Variants in STK33 observed in about 807,000 individuals in gnomAD.
The protein encoded by STK33 is serine/threonine-protein kinase 33.
Under a neutral mutation model 58.0 loss-of-function variants are expected in STK33, and 52 were observed. The ratio of observed to expected loss-of-function variants is 0.90; its 90% CI spans 0.72 to 1.13. STK33 has a LOEUF of 1.13. Among genes scored for constraint, STK33 ranks in the 50% most tolerant of loss-of-function variants. STK33 has a pLI of 0.00. For synonymous variants in STK33, 215 were observed against 200.1 expected (o/e 1.07, Z -0.63); for missense variants, 630 against 604.2 (o/e 1.04, Z -0.45).
At chr11:8,516,502 C>A (rs1192022961) in intron 1 of STK33, among the ~76,000 whole-genome samples, 1 of 152,190 alleles carries the variant, frequency 6.6e-6, no homozygotes, top group Non-Finnish European at 1.5e-5. Flanking sequence ...GCTTGTCAGA[C>A]AGAGGGTGCA....
the STK33 span, among the ~76,000 whole-genome samples, chr11:8,356,311 C>T: frequency 6.6e-6 from 1 of 152,128 alleles, no homozygotes; most frequent in Admixed American, 6.5e-5. Context: ...CCACAGCAGT[C>T]CTGTGAGACC....
At chr11:8,435,040 C>A (rs1943895135) in intron 14 of STK33, among the ~76,000 whole-genome samples, 1 of 152,130 alleles carries the variant, frequency 6.6e-6, no homozygotes, top group Non-Finnish European at 1.5e-5. Flanking sequence ...TGGCAGAAAA[C>A]AATATGTAAA....
chr11:8,446,501 T>C (rs1314445835), intron 11 of STK33, among the ~76,000 whole-genome samples: 1 of 151,952 alleles, frequency 6.6e-6, no homozygotes, highest in Non-Finnish European at 1.5e-5. Context: ...CACTTTCTCC[T>C]ATAGCCAAGA....
intron 1 of STK33, among the ~76,000 whole-genome samples, chr11:8,515,935 A>G (rs1360918020): frequency 2.0e-5 from 3 of 152,234 alleles, no homozygotes; most frequent in Non-Finnish European, 4.4e-5. Flanking sequence ...GGCAAGAAAG[A>G]CATCCTATGT....
At chr11:8,545,992 T>A (rs1955880695) in intron 1 of STK33, among the ~76,000 whole-genome samples, 1 of 152,222 alleles carries the variant, frequency 6.6e-6, no homozygotes, top group Non-Finnish European at 1.5e-5. Context: ...CTGTATAGCA[T>A]TTTACTGTAT....
intron 14 of STK33, among the ~76,000 whole-genome samples, chr11:8,435,193 C>A (rs548733093): frequency 6.6e-6 from 1 of 152,246 alleles, no homozygotes; most frequent in African/African-American, 2.4e-5. Flanking sequence ...CAGACTGTTT[C>A]AATTTTCCAC....
At chr11:8,446,998 C>G (rs1945559524) in intron 11 of STK33, among the ~76,000 whole-genome samples, 4 of 152,234 alleles carry the variant, frequency 2.6e-5, no homozygotes, top group South Asian at 4.1e-4. Flanking sequence ...AGCTTCTGCA[C>G]AGCAAAAGAA....
chr11:8,588,812 T>C (rs1409110027), intron 1 of STK33, among the ~76,000 whole-genome samples: 22 of 152,144 alleles, frequency 1.4e-4, no homozygotes, highest in Admixed American at 1.4e-3. Context: ...CTCTTACAAC[T>C]GAACAAGAAA....
intron 1 of STK33, among the ~76,000 whole-genome samples, chr11:8,530,984 C>T (rs989243642): frequency 4.6e-5 from 7 of 152,242 alleles, no homozygotes; most frequent in African/African-American, 1.4e-4. Context: ...AGCCACCACA[C>T]CCAGCCTCAA....
At chr11:8,451,724 T>C (rs1405366493) in intron 11 of STK33, among the ~76,000 whole-genome samples, 1 of 152,220 alleles carries the variant, frequency 6.6e-6, no homozygotes, top group Non-Finnish European at 1.5e-5. Context: ...TGTATTTTTA[T>C]TGTAAAACAA....
At chr11:8,532,990 A>G (rs1299735305) in intron 1 of STK33, among the ~76,000 whole-genome samples, 2 of 152,248 alleles carry the variant, frequency 1.3e-5, no homozygotes, top group African/African-American at 4.8e-5. Context: ...GATTTTTATC[A>G]GAGTATAATA....
chr11:8,566,630 T>C (rs1201973055), intron 1 of STK33, among the ~76,000 whole-genome samples: 1 of 152,238 alleles, frequency 6.6e-6, no homozygotes, highest in African/African-American at 2.4e-5. Flanking sequence ...GTAATAGTCA[T>C]ACATGCTTTT....
At chr11:8,353,059 C>T in the STK33 span, among the ~76,000 whole-genome samples, 1 of 152,218 alleles carries the variant, frequency 6.6e-6, no homozygotes, top group African/African-American at 2.4e-5. Context: ...CAGGGTCTTT[C>T]ACTCCCTAGA....
chr11:8,562,740 C>T (rs1591808421), intron 1 of STK33, among the ~76,000 whole-genome samples: 1 of 152,162 alleles, frequency 6.6e-6, no homozygotes, highest in Non-Finnish European at 1.5e-5. Context: ...GTTACTATTA[C>T]AATTCTACTT....
intron 8 of STK33, among the ~76,000 whole-genome samples, chr11:8,458,271 A>G (rs953562336): frequency 6.6e-6 from 1 of 152,202 alleles, no homozygotes; most frequent in Non-Finnish European, 1.5e-5. Flanking sequence ...CTGTTGCTGT[A>G]GCAGGAGAAA....
At chr11:8,336,293 T>A in the STK33 span, among the ~76,000 whole-genome samples, 701 of 152,292 alleles carry the variant, frequency 4.6e-3, 4 homozygotes, top group African/African-American at 0.016. Context: ...GGCTGTGGGC[T>A]GGGGGTTAGA....
chr11:8,565,468 G>A (rs1370105842), intron 1 of STK33, among the ~76,000 whole-genome samples: 3 of 151,498 alleles, frequency 2.0e-5, no homozygotes, highest in Non-Finnish European at 2.9e-5. Context: ...TTTCACAGCC[G>A]GAGTCATAAG....
intron 1 of STK33, among the ~76,000 whole-genome samples, chr11:8,556,549 A>G (rs1224281984): frequency 6.6e-6 from 1 of 152,140 alleles, no homozygotes; most frequent in African/African-American, 2.4e-5. Flanking sequence ...TTTCCCTTCC[A>G]GTAAACTCCT....
intron 1 of STK33, among the ~76,000 whole-genome samples, chr11:8,496,624 G>A (rs1330223840): frequency 6.6e-6 from 1 of 151,480 alleles, no homozygotes; most frequent in Non-Finnish European, 1.5e-5. Context: ...ACCCAGGCTG[G>A]AGTGCAGTGG....
Sources: allele counts gnomAD v4.1 joint callset (sites outside exome capture counted in the v4.1 genomes callset), GRCh38; gene constraint gnomAD v4.1.1; transcripts MANE v1.5; gene names NCBI Gene and HGNC (gene_info 2026-07-23, HGNC 2026-07-21).